Variants in MEDAG observed in about 807,000 individuals in gnomAD.
MEDAG encodes mesenteric estrogen-dependent adipogenesis protein.
Under a neutral mutation model 29.9 loss-of-function variants are expected in MEDAG, and 25 were observed. That is an observed-to-expected ratio of 0.84 (90% CI 0.61 to 1.17). The LOEUF (loss-of-function observed/expected upper bound fraction) is 1.17. Among genes scored for constraint, MEDAG ranks in the 50% most tolerant of loss-of-function variants. The pLI is 0.00. For missense variants in MEDAG, 398 were observed against 372.9 expected (o/e 1.07, Z -0.56); for synonymous variants, 158 against 148.2 (o/e 1.07, Z -0.48).
intron 4 of MEDAG, among the ~76,000 whole-genome samples, chr13:30,923,732 C>T (rs1167559723): frequency 6.6e-6 from 1 of 152,224 alleles, no homozygotes; most frequent in Admixed American, 6.5e-5. Context: ...ATGGCTCACC[C>T]TCTGTCCTGT....
intron 1 of MEDAG, among the ~76,000 whole-genome samples, chr13:30,909,337 A>G (rs1442853791): frequency 6.6e-6 from 1 of 152,016 alleles, no homozygotes; most frequent in Non-Finnish European, 1.5e-5. Flanking sequence ...CTTGTCTATC[A>G]TCTTCAGAGC....
At chr13:30,918,727 T>C (rs746252492) in intron 2 of MEDAG, among the ~76,000 whole-genome samples, 2 of 152,222 alleles carry the variant, frequency 1.3e-5, no homozygotes, top group African/African-American at 2.4e-5. Flanking sequence ...GAATTTCAAA[T>C]AGATTTCCCC....
intron 2 of MEDAG, among the ~76,000 whole-genome samples, chr13:30,920,107 T>A (rs1178864112): frequency 6.6e-6 from 1 of 152,144 alleles, no homozygotes; most frequent in Non-Finnish European, 1.5e-5. Context: ...CAACCTCTGG[T>A]TGCCTTGGTC....
chr13:30,910,301 T>C (rs1952870380), intron 1 of MEDAG, among the ~76,000 whole-genome samples: 1 of 152,146 alleles, frequency 6.6e-6, no homozygotes, highest in South Asian at 2.1e-4. Context: ...TTCTTTTTGG[T>C]GCTCCCCTAG....
chr13:30,910,124 T>C (rs1348129659), intron 1 of MEDAG, among the ~76,000 whole-genome samples: 5 of 151,958 alleles, frequency 3.3e-5, no homozygotes, highest in African/African-American at 4.8e-5. Flanking sequence ...ATGTGGGTAA[T>C]GGTCATTCAG....
intron 2 of MEDAG, among the ~76,000 whole-genome samples, chr13:30,920,394 TG>T (rs1318291120): frequency 1.3e-5 from 2 of 152,028 alleles, no homozygotes; most frequent in African/African-American, 4.8e-5. Flanking sequence ...AAGACCACCC[TG>T]GGCAACATAA....
chr13:30,920,974 T>C (rs1952977504), intron 2 of MEDAG, 40 bp from the exon 3 acceptor site: 1 of 1,528,212 alleles, frequency 6.5e-7, no homozygotes, highest in Non-Finnish European at 9.0e-7. Flanking sequence ...TTATGTCACA[T>C]GGACACACTT....
At chr13:30,918,902 GAA>G (rs1483865292) in intron 2 of MEDAG, among the ~76,000 whole-genome samples, 1 of 152,130 alleles carries the variant, frequency 6.6e-6, no homozygotes, top group Non-Finnish European at 1.5e-5. Context: ...ATTATAACCA[GAA>G]AGCCAGATAG....
chr13:30,915,173 G>C (rs913852036), intron 1 of MEDAG, among the ~76,000 whole-genome samples: 1 of 151,776 alleles, frequency 6.6e-6, no homozygotes, highest in African/African-American at 2.4e-5. Context: ...CACCCCCCAC[G>C]TAACAACATA....
At chr13:30,918,363 G>A (rs1477909974) in intron 2 of MEDAG, among the ~76,000 whole-genome samples, 1 of 152,116 alleles carries the variant, frequency 6.6e-6, no homozygotes, top group African/African-American at 2.4e-5. Flanking sequence ...GGCAAACTAG[G>A]ATGCGTAATT....
At chr13:30,921,909 T>C in intron 4 of MEDAG, 63 bp downstream of exon 4, 2 of 1,482,214 alleles carry the variant, frequency 1.3e-6, no homozygotes, top group South Asian at 1.4e-5. Flanking sequence ...AGTAAAATAA[T>C]GGAAGAGAGT....
chr13:30,909,136 A>G (rs1952857877), intron 1 of MEDAG: 1 of 155,146 alleles, frequency 6.4e-6, no homozygotes, highest in Admixed American at 6.5e-5. Flanking sequence ...AAAAAAAAAA[A>G]AAAATCTCAG....
In MEDAG at chr13:30,906,466, G is replaced by C. The variant is rs755685903; in HGVS notation, c.-50G>C. On this transcript the variant is annotated 5_prime_UTR_variant, in exon 1 of 5. Transcript: ENST00000380482. The stretch of plus-strand genomic sequence containing the variant: ...GGGGACCATCAGGTGCCGGCTGGGG[G>C]CTGTAGGCACCGGACGGAAGCAGGC... The C allele has an allele frequency of 7.0e-7, 1 of 1,424,766 alleles. No individual in the cohort carries two copies. Among genetic ancestry groups the C allele is most frequent in the Admixed American group, 2.7e-5 (1 of 37,088 alleles). The allele number at this position is 1,424,766 out of a possible 1,614,324, so 88.3% of individuals were successfully genotyped here.
intron 3 of MEDAG, 54 bp downstream of exon 3, chr13:30,921,180 G>A (rs1952981855): frequency 9.0e-6 from 13 of 1,451,938 alleles, no homozygotes; most frequent in African/African-American, 1.4e-5. Flanking sequence ...AGGAGCTTGT[G>A]CATTTCATGC....
intron 1 of MEDAG, among the ~76,000 whole-genome samples, chr13:30,914,620 A>G (rs1009670753): frequency 2.6e-5 from 4 of 152,216 alleles, no homozygotes; most frequent in African/African-American, 9.6e-5. Context: ...GCTATCCAGC[A>G]GGCTTCCTTC....
At position 30,921,072 on chromosome 13, in the gene MEDAG, G is replaced by A. The variant is rs141182764; in HGVS notation, c.447G>A (p.Glu149=). ...TRHPKIRRQI[E]QGMDMVISSV... ...ACCCCAAGATAAGAAGACAGATAGA[G>A]CAAGGGATGGACATGGTCATCTCCT... The change falls in exon 3 of 5, where the codon GAG becomes GAA. Residue 149 remains glutamate, a synonymous_variant. Coordinates refer to ENST00000380482, the MANE Select transcript of MEDAG (RefSeq NM_032849.4). The A allele has an allele frequency of 6.5e-4, 1,043 of 1,614,198 alleles. No homozygotes were observed. The highest frequency in any genetic ancestry group is 8.3e-4 in the Non-Finnish European group (980 of 1,180,028).
In MEDAG at chr13:30,906,731, C is replaced by T. The variant is rs1232268162; in HGVS notation, c.216C>T (p.Val72=). ...EPAAARGGFN[V]FGDGLVRLDG... ...CGGCGGCGCGGGGGGGCTTCAACGT[C>T]TTCGGTGACGGCCTCGTGCGCCTCG... The change falls in exon 1 of 5, where the codon GTC becomes GTT. Residue 72 remains valine (V), a synonymous_variant. Transcript: ENST00000380482. The T allele has an allele frequency of 1.3e-6, 2 of 1,515,230 alleles. No homozygotes were observed. The highest frequency in any genetic ancestry group is 1.8e-6 in the Non-Finnish European group (2 of 1,141,046). The allele number at this position is 1,515,230 out of a possible 1,614,324, so 93.9% of individuals were successfully genotyped here.
At chr13:30,908,466 C>A (rs775014827) in intron 1 of MEDAG, among the ~76,000 whole-genome samples, 1 of 152,100 alleles carries the variant, frequency 6.6e-6, no homozygotes, top group Non-Finnish European at 1.5e-5. Context: ...AGTGTGCAGT[C>A]CTGAAGGATG....
intron 1 of MEDAG, among the ~76,000 whole-genome samples, chr13:30,912,383 C>A (rs1344242269): frequency 1.3e-5 from 2 of 152,184 alleles, no homozygotes; most frequent in Non-Finnish European, 2.9e-5. Context: ...GCTCTGCAAG[C>A]TTTTGCTTAG....
Sources: gnomAD v4.1 joint callset for allele counts (sites outside exome capture counted in the v4.1 genomes callset) on GRCh38, gnomAD v4.1.1 for gene constraint, MANE v1.5 for transcripts, NCBI Gene and HGNC (gene_info 2026-07-23, HGNC 2026-07-21) for gene names.